The following FBXO32 variants were observed in gnomAD, a reference collection of about 807,000 sequenced individuals.
The protein encoded by FBXO32 is F-box only protein 32.
Under a neutral mutation model 48.3 loss-of-function variants are expected in FBXO32, and 15 were observed. The ratio of observed to expected loss-of-function variants is 0.31; its 90% CI spans 0.21 to 0.48. The LOEUF (loss-of-function observed/expected upper bound fraction) is 0.48, where lower values mean the gene tolerates loss of function less well. Among genes scored for constraint, FBXO32 ranks in the 20% least tolerant of loss-of-function variants. The pLI, the probability that FBXO32 is intolerant of heterozygous loss-of-function variation, is 0.99. For synonymous variants in FBXO32, 154 were observed against 165.9 expected (o/e 0.93, Z 0.55); for missense variants, 309 against 432.7 (o/e 0.71, Z 2.54).
intron 4 of FBXO32, among the ~76,000 whole-genome samples, chr8:123,522,551 C>T (rs1304767572): frequency 2.6e-5 from 4 of 152,126 alleles, no homozygotes; most frequent in Non-Finnish European, 4.4e-5. Flanking sequence ...TTCCCCATTA[C>T]ATCCATCTAA....
rs1010427837 is a variant in FBXO32 at position 123,500,791 on chromosome 8, C to A, written c.*2582G>T. The A allele has an allele frequency of 6.6e-6, 1 of 152,206 alleles. No homozygotes were observed. The highest frequency in any genetic ancestry group is 2.4e-5 in the African/African-American group (1 of 41,440). 9.4% of individuals were successfully genotyped at this position (152,206 alleles called of 1,614,324 possible). A position where few individuals can be genotyped will look rare whatever the true frequency, so the allele number is the denominator to read the frequency against. ...ATTCTCCTCTTCCAATGAAAGAGAACCATAAAGGTTGATTTCTTCTTCATT... is the reference window on the plus strand; with the variant it reads ...ATTCTCCTCTTCCAATGAAAGAGAAACATAAAGGTTGATTTCTTCTTCATT... On this transcript the variant is annotated 3_prime_UTR_variant, in exon 9 of 9. Transcript: ENST00000517956.
At chr8:123,538,057 C>A (rs1817344330) in intron 1 of FBXO32, among the ~76,000 whole-genome samples, 1 of 152,156 alleles carries the variant, frequency 6.6e-6, no homozygotes, top group Admixed American at 6.5e-5. Flanking sequence ...GCATATTTAA[C>A]ACTTGCCATT....
At chr8:123,528,236 C>T (rs573596627) in intron 4 of FBXO32, among the ~76,000 whole-genome samples, 3 of 152,294 alleles carry the variant, frequency 2.0e-5, no homozygotes, top group Admixed American at 6.5e-5. Context: ...AGCAGGCTCA[C>T]TGCAGAGCCA....
intron 1 of FBXO32, among the ~76,000 whole-genome samples, chr8:123,537,503 GA>G (rs150200432): frequency 8.5e-4 from 125 of 146,384 alleles, no homozygotes; most frequent in African/African-American, 2.1e-3. Flanking sequence ...AGAAGGGAAT[GA>G]AAAAAAAAAT....
intron 4 of FBXO32, among the ~76,000 whole-genome samples, chr8:123,528,181 A>C (rs1331693941): frequency 6.6e-6 from 1 of 152,194 alleles, no homozygotes; most frequent in Non-Finnish European, 1.5e-5. Context: ...CAAGCTTCGA[A>C]GGTGATTTGA....
intron 6 of FBXO32, among the ~76,000 whole-genome samples, chr8:123,508,113 G>A (rs1334543912): frequency 6.6e-6 from 1 of 152,142 alleles, no homozygotes; most frequent in Non-Finnish European, 1.5e-5. Flanking sequence ...TCAATGTTCT[G>A]TGACCTCTGA....
rs1816617609 is a variant in FBXO32, at chr8:123,506,312, G to A, written c.834+80C>T. 1 of 1,475,378 alleles carries A rather than the reference G, an allele frequency of 6.8e-7. No individual in the cohort carries two copies. The highest frequency in any genetic ancestry group is 1.4e-5 in the African/African-American group (1 of 72,212). The allele number at this position is 1,475,378 out of a possible 1,614,324, so 91.4% of individuals were successfully genotyped here. ...GGAATAGGGGGAACCCAGACCTCAG[G>A]CTTGAGCAGGGCACCAAGGAAGTTT... On this transcript the variant is annotated intron_variant, in intron 7 of 8. Coordinates refer to ENST00000517956, the MANE Select transcript of FBXO32 (RefSeq NM_058229.4). The surrounding 1 kb of genome is among the most constrained non-coding windows in gnomAD (Gnocchi z 4.0).
rs957734858 is a variant in FBXO32, at chr8:123,506,967, C to A, written c.652-393G>T. ...CCCCAAGTCCCATCTCTCTGGCCCC[C>A]CTCCAGACATCAGGTCCCTCCAAGT... On this transcript the variant is annotated intron_variant, in intron 6 of 8. Transcript: ENST00000517956. This position sits in a 1 kb window ranked among gnomAD's most constrained non-coding sequence, Gnocchi z 4.0. 1.3e-5 allele frequency among the ~76,000 whole-genome samples: 2 copies of A among 152,192 alleles called. No homozygotes were observed. Among genetic ancestry groups the A allele is most frequent in the African/African-American group, 4.8e-5 (2 of 41,438 alleles).
chr8:123,538,867 C>T (rs1228334620), intron 1 of FBXO32, among the ~76,000 whole-genome samples: 1 of 152,088 alleles, frequency 6.6e-6, no homozygotes, highest in Non-Finnish European at 1.5e-5. Flanking sequence ...TGATTCCAGC[C>T]CAGTCTAAAC....
At chr8:123,530,972 A>ATT (rs35151201) in intron 4 of FBXO32, among the ~76,000 whole-genome samples, 21 of 69,000 alleles carry the variant, frequency 3.0e-4, no homozygotes, top group Non-Finnish European at 4.4e-4. Flanking sequence ...ATCCAGTCAG[A>ATT]TTTTTTTTTT....
chr8:123,532,743 G>A (rs1175142146), intron 3 of FBXO32, among the ~76,000 whole-genome samples: 1 of 152,192 alleles, frequency 6.6e-6, no homozygotes, highest in African/African-American at 2.4e-5. Flanking sequence ...CCATACAAAT[G>A]TAGTTATTAC....
rs1415738063 is a variant in FBXO32 at position 123,506,327 on chromosome 8, C to G, written c.834+65G>C. ...CAGACCTCAGGCTTGAGCAGGGCAC[C>G]AAGGAAGTTTGGGGTGAGGGCCAGA... On this transcript the variant is annotated intron_variant, in intron 7 of 8. Transcript: ENST00000517956. The surrounding 1 kb of genome is among the most constrained non-coding windows in gnomAD (Gnocchi z 4.0). 6 of 1,559,976 alleles carry G rather than the reference C, an allele frequency of 3.8e-6. No homozygotes were observed. In the African/African-American group the frequency reaches 8.1e-5, roughly 21 times the overall value.
rs1159192415 is a variant in FBXO32, at chr8:123,513,993, G to C, written c.466+247C>G. ...TGTGTCTACACTGAGAAGCCTACGA[G>C]GCTTATAGTAGGGCAAGTGGATGGT... On this transcript the variant is annotated intron_variant, in intron 5 of 8. Transcript: ENST00000517956. This position sits in a 1 kb window ranked among gnomAD's most constrained non-coding sequence, Gnocchi z 4.3. 4.7e-6 allele frequency: 2 copies of C among 426,446 alleles called. No individual in the cohort carries two copies. Among genetic ancestry groups the C allele is most frequent in the African/African-American group, 2.0e-5 (1 of 49,082 alleles). The allele number at this position is 426,446 out of a possible 1,614,324, so 26.4% of individuals were successfully genotyped here.
In FBXO32 at chr8:123,518,926, A is replaced by G. The variant is rs1283851483; in HGVS notation, c.373-4593T>C. On this transcript the variant is annotated intron_variant, in intron 4 of 8. Coordinates refer to ENST00000517956, the MANE Select transcript of FBXO32 (RefSeq NM_058229.4). ...AGCCTTTACCTCCGAGGCTCAAGCT[A>G]TCTTCCCACCTCAGCCTCCCAAGTA... 2.0e-5 allele frequency among the ~76,000 whole-genome samples: 3 copies of G among 152,086 alleles called. No homozygotes were observed. The East Asian group carries it at 5.8e-4, about 29-fold the overall frequency.
chr8:123,503,838 GAGGCCAAGGC>G (rs1816552566), intron 8 of FBXO32, among the ~76,000 whole-genome samples: 2 of 152,164 alleles, frequency 1.3e-5, no homozygotes, highest in Non-Finnish European at 2.9e-5. Flanking sequence ...AGCACTTTGG[GAGGCCAAGGC>G]AGGTGGATCA....
Position 123,506,466 on chromosome 8 carries a change from G to A in FBXO32, c.760C>T (p.Pro254Ser). The change falls in exon 7 of 9, where the codon CCC (proline) becomes TCC (serine). Residue 254 changes from proline to serine, a missense_variant. Physicochemically the swap from Pro to Ser is moderately conservative, Grantham distance 74. Transcript: ENST00000517956. The surrounding 1 kb of genome is among the most constrained non-coding windows in gnomAD (Gnocchi z 4.0). ...RDLVSLGQAAPDLHVLSEDRL... is the reference protein window; with the variant it reads ...RDLVSLGQAASDLHVLSEDRL... ...TCTTCGCTGAGCACGTGCAGGTCGG[G>A]GGCAGCCTGGCCCAGGCTGACCAGG... is the stretch of plus-strand genomic sequence containing the variant. The A allele has an allele frequency of 6.2e-7, 1 of 1,614,102 alleles. No homozygotes were observed. The highest frequency in any genetic ancestry group is 8.5e-7 in the Non-Finnish European group (1 of 1,180,014).
Position 123,506,696 on chromosome 8 carries a change from C to G in FBXO32, c.652-122G>C. ...TCAAGGCAGTTTATTGATAAGAGGT[C>G]GAAAGCAGTAGTAAATCTCCCCATC... On this transcript the variant is annotated intron_variant, in intron 6 of 8. Coordinates refer to ENST00000517956, the MANE Select transcript of FBXO32 (RefSeq NM_058229.4). This position sits in a 1 kb window ranked among gnomAD's most constrained non-coding sequence, Gnocchi z 4.0. 5.2e-6 allele frequency: 4 copies of G among 771,924 alleles called. No individual in the cohort carries two copies. In the South Asian group the frequency reaches 7.4e-5, roughly 14 times the overall value. The allele number at this position is 771,924 out of a possible 1,614,324, so 47.8% of individuals were successfully genotyped here.
At chr8:123,512,880 C>G (rs1054443240) in intron 6 of FBXO32, among the ~76,000 whole-genome samples, 3 of 152,146 alleles carry the variant, frequency 2.0e-5, no homozygotes, top group African/African-American at 7.2e-5. Context: ...AGGAAATGAG[C>G]AAAGAGACAT....
intron 7 of FBXO32, among the ~76,000 whole-genome samples, chr8:123,505,675 G>T (rs180904463): frequency 2.8e-4 from 42 of 152,304 alleles, no homozygotes; most frequent in Non-Finnish European, 4.9e-4. Flanking sequence ...GGCAGAGGTT[G>T]CAGTGAGCTG....
Sources: gnomAD v4.1 joint callset for allele counts (sites outside exome capture counted in the v4.1 genomes callset) on GRCh38, gnomAD v4.1.1 for gene constraint, Gnocchi (gnomAD v3.1) non-coding constraint, MANE v1.5 for transcripts, NCBI Gene and HGNC (gene_info 2026-07-23, HGNC 2026-07-21) for gene names.